MACF1: variants seen among roughly 807,000 people sequenced by gnomAD.
MACF1 encodes the protein microtubule actin crosslinking factor 1.
In MACF1, 193 loss-of-function variants were observed where a neutral mutation model predicts 854.8. The observed-to-expected ratio is 0.23, with a 90% CI of 0.20 to 0.25. MACF1 has a LOEUF of 0.25. Ranked by LOEUF, MACF1 falls within the 10% of genes least tolerant of loss-of-function variation. The probability of loss-of-function intolerance (pLI) is 1.00; values close to 1 mark genes in which losing one functional copy is unlikely to be tolerated. For synonymous variants in MACF1, 3,185 were observed against 3,226.7 expected, an observed-to-expected ratio of 0.99 and a Z score of 0.44; for missense variants, 7,722 against 8,929.1, an observed-to-expected ratio of 0.86 and a Z score of 5.45.
At chr1:39,352,336 T>C (rs1055090821) in intron 43 of MACF1, among the ~76,000 whole-genome samples, 21 of 152,080 alleles carry the variant, frequency 1.4e-4, no homozygotes, top group Admixed American at 7.2e-4. Flanking sequence ...TCTGTTTAGT[T>C]GAGGAAAGGA....
At position 39,459,154 on chromosome 1, in the gene MACF1, C is replaced by T. The variant is rs745490077; in HGVS notation, c.21265C>T (p.Arg7089Trp). 67 of 1,614,146 alleles carry T rather than the reference C, an allele frequency of 4.2e-5. No homozygotes were observed. Among genetic ancestry groups the T allele is most frequent in the Non-Finnish European group, 5.0e-5 (59 of 1,180,014 alleles). The change falls in exon 91 of 101, where the codon CGG becomes TGG. Residue 7089 changes from arginine (R) to tryptophan (W), a missense_variant. Around this residue, in one of 15 missense-constraint regions of MACF1, gnomAD observed 729 missense variants for 900.5 expected, o/e 0.81. Coordinates refer to ENST00000564288, the MANE Select transcript of MACF1 (RefSeq NM_001394062.1). ...TTCACAGTCTGAAGCAAAAAACCCA[C>T]GGATCAACCAGCTTTCTGCCCGCTG... ...ILSQSEAKNP[R>W]INQLSARWQQ...
chr1:39,335,205 C>A lies in MACF1; in HGVS notation c.8617C>A (p.Leu2873Ile). Residue 2873 changes from leucine to isoleucine, a missense_variant, in exon 37 of 101, where the codon CTT (leucine) becomes ATT (isoleucine). This residue lies in a region of MACF1 where 854 missense variants were observed against 852.6 expected (regional missense o/e 1.00). Transcript: ENST00000564288. Reference protein sequence around the residue: ...EFISIINPHNLKGKSLGQVSL... With the variant: ...EFISIINPHNIKGKSLGQVSL... ...TATCAGTATCATAAATCCTCATAAT[C>A]TTAAAGGTAAATCCTTGGGCCAAGT... 1 of 1,613,970 alleles carries A rather than the reference C, an allele frequency of 6.2e-7. No homozygotes were observed. The highest frequency in any genetic ancestry group is 8.5e-7 in the Non-Finnish European group (1 of 1,179,962).
intron 2 of MACF1, among the ~76,000 whole-genome samples, chr1:39,191,199 CT>C (rs10708375): frequency 0.82 from 111,223 of 135,406 alleles, 47,261 homozygotes; most frequent in Non-Finnish European, 0.92. Context: ...TTCTTTCTTT[CT>C]TTTTTTTTTT....
chr1:39,143,329 C>G (rs1250764707), intron 2 of MACF1, among the ~76,000 whole-genome samples: 3 of 152,084 alleles, frequency 2.0e-5, no homozygotes, highest in East Asian at 3.9e-4. Flanking sequence ...TTTGGTGTAT[C>G]AAAGATACAC....
At chr1:39,207,532 G>A (rs1273901380) in intron 1 of MACF1, among the ~76,000 whole-genome samples, 2 of 151,682 alleles carry the variant, frequency 1.3e-5, no homozygotes, top group Non-Finnish European at 1.5e-5. Context: ...CACCTGCCTC[G>A]GCCTCCCAAA....
intron 91 of MACF1, chr1:39,459,933 G>A (rs558525931): frequency 1.5e-5 from 14 of 912,766 alleles, no homozygotes; most frequent in Admixed American, 5.5e-5. Context: ...TAACTTTGGA[G>A]TTTGAAAGAC....
chr1:39,128,591 C>G (rs1398568734), intron 2 of MACF1, among the ~76,000 whole-genome samples: 3 of 151,812 alleles, frequency 2.0e-5, no homozygotes, highest in Non-Finnish European at 4.4e-5. Flanking sequence ...CCTAGCTACT[C>G]GGGAGGCTAA....
chr1:39,434,374 G>A (rs772770777), intron 68 of MACF1, 40 bp from the exon 69 acceptor site: 9 of 1,245,978 alleles, frequency 7.2e-6, no homozygotes, highest in Non-Finnish European at 1.0e-5. Flanking sequence ...GTTTATAATA[G>A]TAATACTTAT....
intron 2 of MACF1, among the ~76,000 whole-genome samples, chr1:39,169,672 A>G (rs1428646218): frequency 6.7e-6 from 1 of 149,548 alleles, no homozygotes; most frequent in East Asian, 2.0e-4. Context: ...TATCTCACTT[A>G]TTTTCCTAGA....
intron 2 of MACF1, among the ~76,000 whole-genome samples, chr1:39,123,729 T>TG (rs1349483711): frequency 1.4e-5 from 2 of 141,648 alleles, no homozygotes; most frequent in Non-Finnish European, 3.1e-5. Context: ...TTTTTTTTTT[T>TG]TTTTTTTTGT....
chr1:39,213,041 T>C (rs1205892513), intron 1 of MACF1, among the ~76,000 whole-genome samples: 3 of 152,230 alleles, frequency 2.0e-5, no homozygotes, highest in African/African-American at 7.2e-5. Flanking sequence ...GACAGCAGGG[T>C]ATAACAGGGA....
At chr1:39,349,421 T>G in intron 41 of MACF1, 57 bp from the exon 42 acceptor site, 1 of 1,538,664 alleles carries the variant, frequency 6.5e-7, no homozygotes, top group Non-Finnish European at 8.8e-7. Context: ...GGGAGTTTCT[T>G]GTATTTGCAA....
chr1:39,113,595 G>C (rs187199662), intron 2 of MACF1, among the ~76,000 whole-genome samples: 156 of 152,280 alleles, frequency 1.0e-3, no homozygotes, highest in African/African-American at 3.6e-3. Flanking sequence ...GAACATTCCT[G>C]ATGGTTGACA....
At chr1:39,182,679 C>G (rs1348758238) in intron 2 of MACF1, among the ~76,000 whole-genome samples, 1 of 152,122 alleles carries the variant, frequency 6.6e-6, no homozygotes, top group Non-Finnish European at 1.5e-5. Flanking sequence ...TTCATACCCA[C>G]TAGAATGGCT....
intron 2 of MACF1, among the ~76,000 whole-genome samples, chr1:39,086,135 C>T (rs1297404827): frequency 1.3e-5 from 2 of 152,186 alleles, no homozygotes; most frequent in Non-Finnish European, 2.9e-5. Context: ...GAGGGCTGCA[C>T]GGGGCCTTGT....
intron 2 of MACF1, among the ~76,000 whole-genome samples, chr1:39,166,416 ATATTTATTTATTTATTTATT>A (rs56404463): frequency 4.7e-5 from 7 of 149,118 alleles, no homozygotes; most frequent in African/African-American, 1.5e-4. Context: ...CCAGCACTAG[ATATTTATTTATTTATTTATT>A]TATTTATTTA....
At chr1:39,292,868 A>G (rs1323973745) in intron 17 of MACF1, 25 bp downstream of exon 17, 3 of 1,582,114 alleles carry the variant, frequency 1.9e-6, no homozygotes, top group Admixed American at 3.4e-5. Context: ...ATTCTCTTAC[A>G]TTCTGCTCAT....
Position 39,283,258 on chromosome 1 carries a change from A to G in MACF1, c.765A>G (p.Glu255=). 1 of 1,614,038 alleles carries G rather than the reference A, an allele frequency of 6.2e-7. No homozygotes were observed. The highest frequency in any genetic ancestry group is 8.5e-7 in the Non-Finnish European group (1 of 1,179,900). ...SNRENLEQAF[E]VAERLGVTRL... is the part of the protein sequence containing the mutation. ...GAGAGAATCTGGAACAGGCTTTTGAAGTGGCAGAAAGACTGGGGGTCACTC... is the reference window on the plus strand; with the variant it reads ...GAGAGAATCTGGAACAGGCTTTTGAGGTGGCAGAAAGACTGGGGGTCACTC... Residue 255 remains glutamate, a synonymous_variant, in exon 8 of 101, where the codon GAA becomes GAG. Transcript: ENST00000564288. The surrounding 1 kb of genome is among the most constrained non-coding windows in gnomAD (Gnocchi z 4.5).
Position 39,458,472 on chromosome 1 carries a change from A to G in MACF1, c.21178A>G (p.Lys7060Glu), listed in dbSNP as rs1289013552. ...GCCTACTCACGCGCCTTTCATAGAG[A>G]AATCCCGCAGCGGAGGCAGTATGTT... Reference protein sequence around the residue: ...IEPTHAPFIEKSRSGGRKSLS... With the variant: ...IEPTHAPFIEESRSGGRKSLS... The change falls in exon 90 of 101, where the codon AAA becomes GAA. Residue 7060 changes from lysine to glutamate, a missense_variant. This residue lies in a region of MACF1 where 729 missense variants were observed against 900.5 expected (regional missense o/e 0.81). Transcript: ENST00000564288. 1.2e-6 allele frequency: 2 copies of G among 1,613,816 alleles called. No individual in the cohort carries two copies. Among genetic ancestry groups the G allele is most frequent in the Admixed American group, 1.7e-5 (1 of 59,982 alleles).
Sources: gnomAD v4.1 joint callset for allele counts (sites outside exome capture counted in the v4.1 genomes callset) on GRCh38, gnomAD v4.1.1 for gene constraint, gnomAD v4.1.1 regional missense constraint, Gnocchi (gnomAD v3.1) non-coding constraint, MANE v1.5 for transcripts, NCBI Gene and HGNC (gene_info 2026-07-23, HGNC 2026-07-21) for gene names.